The following AGXT variants were observed in gnomAD, a reference collection of about 807,000 sequenced individuals.
AGXT encodes the protein L-alanine: glyoxylate aminotransferase 1.
AGXT carries 41 observed loss-of-function variants against 46.9 expected under a neutral mutation model. The ratio of observed to expected loss-of-function variants is 0.88; its 90% confidence interval spans 0.68 to 1.14. The LOEUF is 1.14. AGXT is among the 50% of genes most tolerant of loss of function. The probability of loss-of-function intolerance (pLI) is 0.00; values close to 1 mark genes in which losing one functional copy is unlikely to be tolerated. For missense variants in AGXT, 525 were observed against 522.7 expected (o/e 1.00, Z -0.04); for synonymous variants, 244 against 227.9 (o/e 1.07, Z -0.64).
rs1020932088 is a variant in AGXT, at chr2:240,874,991, G to A, written c.681-118G>A. On this transcript the variant is annotated intron_variant, in intron 6 of 10. Coordinates refer to ENST00000307503, the MANE Select transcript of AGXT (RefSeq NM_000030.3). ...CCCTGAGCACAAATGCAGCTGGGGCGGGCCCTCCTGGGGGCCCCACCCCGT... is the reference window on the plus strand; with the variant it reads ...CCCTGAGCACAAATGCAGCTGGGGCAGGCCCTCCTGGGGGCCCCACCCCGT... 1.3e-4 allele frequency: 109 copies of A among 833,266 alleles called. 1 individual carries two copies. Among genetic ancestry groups the A allele is most frequent in the East Asian group, 1.2e-3 (45 of 38,110 alleles). The allele number at this position is 833,266 out of a possible 1,614,324, so 51.6% of individuals were successfully genotyped here.
At position 240,875,205 on chromosome 2, in the gene AGXT, G is replaced by A. The variant is rs180177265; in HGVS notation, c.776+1G>A. The A allele has an allele frequency of 6.2e-7, 1 of 1,610,362 alleles. No individual in the cohort carries two copies. The highest frequency in any genetic ancestry group is 8.5e-7 in the Non-Finnish European group (1 of 1,176,626). On this transcript the variant is annotated splice_donor_variant, in intron 7 of 10. Coordinates refer to ENST00000307503, the MANE Select transcript of AGXT (RefSeq NM_000030.3). LOFTEE classifies it high-confidence loss of function. ...GGGGCTGTGACGACCAGCCCAGGAT[G>A]TGAGGCCTGGCAGGGATGGGAAGGT...
Position 240,875,173 on chromosome 2 carries a change from A to G in AGXT, c.745A>G (p.Asn249Asp). ...CTACCTGGACATCAAGTGGCTGGCC[A>G]ACTTCTGGGGCTGTGACGACCAGCC... ...SFYLDIKWLA[N>D]FWGCDDQPRM... The change falls in exon 7 of 11, where the codon AAC (asparagine) becomes GAC (aspartate). Residue 249 changes from asparagine to aspartate, a missense_variant. Transcript: ENST00000307503. 1 of 1,613,912 alleles carries G rather than the reference A, an allele frequency of 6.2e-7. No homozygotes were observed. Among genetic ancestry groups the G allele is most frequent in the Non-Finnish European group, 8.5e-7 (1 of 1,179,838 alleles).
Position 240,875,905 on chromosome 2 carries a change from T to C in AGXT, c.777-30T>C, listed in dbSNP as rs1171433048. The C allele has an allele frequency of 1.9e-6, 3 of 1,612,752 alleles. No homozygotes were observed. In the Admixed American group the frequency reaches 5.0e-5, roughly 27 times the overall value. Reference sequence around the variant, plus strand: ...CATCTGCCCCCAACCCTGCCCATGGTGCTGGACCAAGCCCCCTCGTGTCTT... The same window carrying C: ...CATCTGCCCCCAACCCTGCCCATGGCGCTGGACCAAGCCCCCTCGTGTCTT... On this transcript the variant is annotated intron_variant, in intron 7 of 10. Transcript: ENST00000307503.
In AGXT at chr2:240,878,299, A is replaced by G; in HGVS notation, c.1071+149A>G. Reference sequence around the variant, plus strand: ...CAGAAGGGCCCACTCTCCAAGGGGTATCCAGTAAAGCGTATCCTGTCGCCC... The same window carrying G: ...CAGAAGGGCCCACTCTCCAAGGGGTGTCCAGTAAAGCGTATCCTGTCGCCC... On this transcript the variant is annotated intron_variant, in intron 10 of 10. Transcript: ENST00000307503. 3 of 1,200,936 alleles carry G rather than the reference A, an allele frequency of 2.5e-6. No homozygotes were observed. The South Asian group carries it at 4.5e-5, about 18-fold the overall frequency. 74.4% of individuals were successfully genotyped at this position (1,200,936 alleles called of 1,614,324 possible).
In AGXT at chr2:240,880,465, G is replaced by A. The variant is rs2059055446; in HGVS notation, c.*1644G>A. The A allele has an allele frequency of 6.6e-6, 1 of 150,618 alleles. No individual in the cohort carries two copies. The highest frequency in any genetic ancestry group is 2.4e-5 in the African/African-American group (1 of 40,886). The allele number at this position is 150,618 out of a possible 1,614,324, so 9.3% of individuals were successfully genotyped here. A position where few individuals can be genotyped will look rare whatever the true frequency, so the allele number is the denominator to read the frequency against. ...GGATTTTTATCTTCTTATTGTCAAT[G>A]TGTGATCATTTTAAAATATATTCTA... On this transcript the variant is annotated 3_prime_UTR_variant, in exon 11 of 11. Coordinates refer to ENST00000307503, the MANE Select transcript of AGXT (RefSeq NM_000030.3).
chr2:240,877,677 G>A, intron 9 of AGXT, 45 bp downstream of exon 9: 1 of 1,537,392 alleles, frequency 6.5e-7, no homozygotes, highest in Non-Finnish European at 8.8e-7. Context: ...CCATGGGGAA[G>A]GATGAGGGGC....
chr2:240,873,918 G>T (rs1353990996), intron 5 of AGXT, 60 bp from the exon 6 acceptor site: 1 of 1,484,176 alleles, frequency 6.7e-7, no homozygotes, highest in Non-Finnish European at 9.4e-7. Context: ...CAGGCATCCC[G>T]CTGGACTGGC....
chr2:240,875,032 C>A, intron 6 of AGXT, 77 bp from the exon 7 acceptor site: 1 of 1,336,538 alleles, frequency 7.5e-7, no homozygotes, highest in Non-Finnish European at 1.1e-6. Flanking sequence ...TCCCGTGAAA[C>A]AGGACAGCCA....
rs559541407 is a variant in AGXT at position 240,877,398 on chromosome 2, G to A, written c.847-139G>A. 1.5e-3 allele frequency: 1,206 copies of A among 821,458 alleles called. 1 individual carries two copies. The highest frequency in any genetic ancestry group is 2.0e-3 in the Non-Finnish European group (1,011 of 493,172). 50.9% of individuals were successfully genotyped at this position (821,458 alleles called of 1,614,324 possible). ...GGGGTAGTCCCAGGCCCTGCCCCAGGCAAAGTCAAACTGGGGGCTCCAGGG... is the reference window on the plus strand; with the variant it reads ...GGGGTAGTCCCAGGCCCTGCCCCAGACAAAGTCAAACTGGGGGCTCCAGGG... On this transcript the variant is annotated intron_variant, in intron 8 of 10. Coordinates refer to ENST00000307503, the MANE Select transcript of AGXT (RefSeq NM_000030.3).
At chr2:240,874,454 C>T (rs142138960) in intron 6 of AGXT, among the ~76,000 whole-genome samples, 10 of 152,290 alleles carry the variant, frequency 6.6e-5, no homozygotes, top group East Asian at 3.9e-4. Context: ...TCTCACCTCC[C>T]GCTCCTGGTG....
Position 240,869,324 on chromosome 2 carries a change from T to C in AGXT, c.320T>C (p.Ile107Thr), listed in dbSNP as rs770907514. ...TCCTTCCTGGTTGGGGCCAATGGCA[T>C]TTGGGGGCAGCGAGCCGTGGACATC... ...GDSFLVGANGIWGQRAVDIGE... is the reference protein window; with the variant it reads ...GDSFLVGANGTWGQRAVDIGE... The change falls in exon 2 of 11, where the codon ATT becomes ACT. Residue 107 changes from isoleucine (I) to threonine (T), a missense_variant. Physicochemically the swap from Ile to Thr is moderately conservative, Grantham distance 89. Coordinates refer to ENST00000307503, the MANE Select transcript of AGXT (RefSeq NM_000030.3). The C allele has an allele frequency of 5.6e-6, 9 of 1,609,800 alleles. No homozygotes were observed. The highest frequency in any genetic ancestry group is 3.3e-5 in the Admixed American group (2 of 59,914).
chr2:240,877,715 C>G, intron 9 of AGXT, 83 bp downstream of exon 9: 1 of 1,430,886 alleles, frequency 7.0e-7, no homozygotes, highest in Non-Finnish European at 9.6e-7. Context: ...AAGAGGGACA[C>G]TGGCTCCTGA....
intron 9 of AGXT, 143 bp downstream of exon 9, chr2:240,877,775 T>G: frequency 9.5e-7 from 1 of 1,048,760 alleles, no homozygotes; most frequent in South Asian, 1.6e-5. Context: ...CAGGGATTAG[T>G]CTCGGCAGGA....
chr2:240,877,975 C>T, intron 9 of AGXT, 47 bp from the exon 10 acceptor site: 1 of 1,603,512 alleles, frequency 6.2e-7, no homozygotes, highest in Non-Finnish European at 8.5e-7. Flanking sequence ...TCACAAAGGC[C>T]CGTACAGGGC....
intron 6 of AGXT, 30 bp downstream of exon 6, chr2:240,874,092 G>T (rs766211615): frequency 1.1e-5 from 18 of 1,607,696 alleles, no homozygotes; most frequent in Non-Finnish European, 1.2e-5. Context: ...TCACCTCTGT[G>T]CAGGGCTGGG....
intron 5 of AGXT, chr2:240,873,349 G>T: frequency 2.4e-6 from 1 of 416,370 alleles, no homozygotes; most frequent in Non-Finnish European, 4.4e-6. Context: ...AAGAGGAAGG[G>T]CCAGGGCTCC....
chr2:240,877,518 A>G lies in AGXT; in HGVS notation c.847-19A>G. 1 of 1,539,758 alleles carries G rather than the reference A, an allele frequency of 6.5e-7. No individual in the cohort carries two copies. Among genetic ancestry groups the G allele is most frequent in the South Asian group, 1.2e-5 (1 of 82,838 alleles). On this transcript the variant is annotated intron_variant, in intron 8 of 10. Coordinates refer to ENST00000307503, the MANE Select transcript of AGXT (RefSeq NM_000030.3). ...CACCCCACCCATGTCACTGCCCACC[A>G]GCGCCATCTCCCACACAGGGCCTGG...
rs756437332 is a variant in AGXT at position 240,878,093 on chromosome 2, C to T, written c.1014C>T (p.Tyr338=). ...AGYDWRDIVS[Y]VIDHFDIEIM... ...ATGACTGGAGAGACATCGTCAGCTA[C>T]GTCATAGACCACTTCGACATTGAGA... The change falls in exon 10 of 11, where the codon TAC becomes TAT. Residue 338 remains tyrosine, a synonymous_variant. Coordinates refer to ENST00000307503, the MANE Select transcript of AGXT (RefSeq NM_000030.3). The T allele has an allele frequency of 1.8e-5, 29 of 1,613,256 alleles. No individual in the cohort carries two copies. The South Asian group carries it at 2.1e-4, about 12-fold the overall frequency.
At chr2:240,877,985 C>A in intron 9 of AGXT, 37 bp from the exon 10 acceptor site, 2 of 1,605,986 alleles carry the variant, frequency 1.2e-6, no homozygotes. Flanking sequence ...CCGTACAGGG[C>A]CTCTCACCCA....
Sources: allele counts gnomAD v4.1 joint callset (sites outside exome capture counted in the v4.1 genomes callset), GRCh38; gene constraint gnomAD v4.1.1; transcripts MANE v1.5; gene names NCBI Gene and HGNC (gene_info 2026-07-23, HGNC 2026-07-21).